PAN3: variants seen among roughly 807,000 people sequenced by gnomAD.
The protein encoded by PAN3 is PAN2-PAN3 deadenylation complex subunit PAN3.
In PAN3, 19 loss-of-function variants were observed where a neutral mutation model predicts 96.2. The observed-to-expected ratio is 0.20, with a 90% CI of 0.14 to 0.29. The LOEUF (loss-of-function observed/expected upper bound fraction) is 0.29. Ranked by LOEUF, PAN3 falls within the 10% of genes least tolerant of loss-of-function variation. The pLI is 1.00. For missense variants in PAN3, 882 were observed against 1,108.1 expected (o/e 0.80, Z 2.90); for synonymous variants, 433 against 406.6 (o/e 1.06, Z -0.78).
At chr13:28,228,597 G>A (rs1252964035) in intron 6 of PAN3, among the ~76,000 whole-genome samples, 4 of 152,116 alleles carry the variant, frequency 2.6e-5, no homozygotes, top group Non-Finnish European at 5.9e-5. Context: ...TTTTAGCATG[G>A]TATCCCTATA....
At chr13:28,278,682 A>T (rs1427674247) in intron 15 of PAN3, among the ~76,000 whole-genome samples, 1 of 152,114 alleles carries the variant, frequency 6.6e-6, no homozygotes, top group African/African-American at 2.4e-5. Context: ...ATGTGAATTA[A>T]TTTTTTTAAT....
chr13:28,213,857 G>A (rs1417663566), intron 5 of PAN3, among the ~76,000 whole-genome samples: 1 of 152,158 alleles, frequency 6.6e-6, no homozygotes, highest in Non-Finnish European at 1.5e-5. Context: ...TTTGGGAAAT[G>A]CTAATTAAAA....
At chr13:28,165,279 T>G (rs1355668829) in intron 1 of PAN3, among the ~76,000 whole-genome samples, 1 of 149,234 alleles carries the variant, frequency 6.7e-6, no homozygotes, top group African/African-American at 2.5e-5. Flanking sequence ...TATACTTATA[T>G]ATCCTTTTTT....
intron 15 of PAN3, among the ~76,000 whole-genome samples, chr13:28,277,705 T>C (rs949789954): frequency 2.0e-5 from 3 of 152,224 alleles, no homozygotes; most frequent in African/African-American, 4.8e-5. Flanking sequence ...TTTCAAGAGC[T>C]CAGCAGCCAC....
intron 5 of PAN3, among the ~76,000 whole-genome samples, chr13:28,205,065 G>C (rs1879186364): frequency 6.6e-6 from 1 of 151,882 alleles, no homozygotes; most frequent in Non-Finnish European, 1.5e-5. Flanking sequence ...ATTCTCATGT[G>C]AGTTCTAGTT....
At chr13:28,192,048 CTT>C (rs58195419) in intron 4 of PAN3, among the ~76,000 whole-genome samples, 2,459 of 123,126 alleles carry the variant, frequency 0.02, 62 homozygotes, top group African/African-American at 0.07. Context: ...TAAAACAATA[CTT>C]TTTTTTTTTT....
At chr13:28,239,690 A>G (rs1883463667) in intron 6 of PAN3, 6 of 1,281,990 alleles carry the variant, frequency 4.7e-6, no homozygotes, top group Middle Eastern at 2.1e-4. Flanking sequence ...GGACAGCTCT[A>G]TGAGGGGTCT....
chr13:28,224,292 C>T (rs1319132299), intron 6 of PAN3, among the ~76,000 whole-genome samples: 1 of 152,188 alleles, frequency 6.6e-6, no homozygotes, highest in Non-Finnish European at 1.5e-5. Flanking sequence ...TTAATTACCT[C>T]AGTGTTAACA....
chr13:28,155,068 G>A (rs1267615290), intron 1 of PAN3, among the ~76,000 whole-genome samples: 3 of 148,888 alleles, frequency 2.0e-5, no homozygotes, highest in East Asian at 4.1e-4. Context: ...CACCCGCCTT[G>A]GCCTCCCAAA....
chr13:28,223,350 C>CATAG lies in PAN3; in HGVS notation c.1000+2972_1000+2973insATAG, dbSNP rs143436555. ...ATACAGTTTTGTTATGCATATTGAA[C>CATAG]CTATGAACAATAGCTACATTTCTAA... is the stretch of plus-strand genomic sequence containing the variant. On this transcript the variant is annotated intron_variant, in intron 6 of 18. Transcript: ENST00000380958. Among the ~76,000 whole-genome samples the CATAG allele has an allele frequency of 2.7e-3, 411 of 152,126 alleles. 4 individuals carry two copies. The East Asian group carries it at 0.028, about 10-fold the overall frequency.
intron 6 of PAN3, among the ~76,000 whole-genome samples, chr13:28,223,145 TAAG>T (rs1881581061): frequency 6.6e-6 from 1 of 152,192 alleles, no homozygotes; most frequent in African/African-American, 2.4e-5. Context: ...TTTGATCACT[TAAG>T]AAAAAATAAG....
chr13:28,161,689 G>C (rs1354463256), intron 1 of PAN3, among the ~76,000 whole-genome samples: 1 of 152,322 alleles, frequency 6.6e-6, no homozygotes, highest in East Asian at 1.9e-4. Context: ...GTAGAGAATT[G>C]AGAATTTGAA....
chr13:28,236,871 G>A (rs1883163030), intron 6 of PAN3, among the ~76,000 whole-genome samples: 1 of 152,050 alleles, frequency 6.6e-6, no homozygotes, highest in African/African-American at 2.4e-5. Context: ...TTCCCAAAGC[G>A]TTTTGTTTTG....
chr13:28,245,002 C>G (rs1884040602), intron 6 of PAN3, among the ~76,000 whole-genome samples: 1 of 152,060 alleles, frequency 6.6e-6, no homozygotes, highest in Admixed American at 6.6e-5. Context: ...GCATGCGTCA[C>G]CACGCCCGGC....
intron 4 of PAN3, among the ~76,000 whole-genome samples, chr13:28,188,974 T>C (rs972249441): frequency 2.6e-5 from 4 of 152,352 alleles, no homozygotes; most frequent in South Asian, 2.1e-4. Context: ...TCTTGATCAT[T>C]TTATTTTTAA....
intron 6 of PAN3, among the ~76,000 whole-genome samples, chr13:28,242,994 A>G (rs1318798571): frequency 6.6e-6 from 1 of 152,190 alleles, no homozygotes; most frequent in Non-Finnish European, 1.5e-5. Context: ...TGATGTTTAG[A>G]TATATGGTAA....
chr13:28,140,337 T>G (rs1349250908), intron 1 of PAN3, among the ~76,000 whole-genome samples: 1 of 152,174 alleles, frequency 6.6e-6, no homozygotes, highest in East Asian at 1.9e-4. Context: ...CCTGTTTTGT[T>G]TCTTAGTATA....
intron 12 of PAN3, among the ~76,000 whole-genome samples, chr13:28,270,159 A>G (rs180876379): frequency 6.6e-6 from 1 of 152,352 alleles, no homozygotes; most frequent in East Asian, 1.9e-4. Context: ...CATATTAACA[A>G]TGACCTAGAA....
In PAN3 at chr13:28,187,875, G is replaced by C. The variant is rs375534000; in HGVS notation, c.691-9310G>C. Among the ~76,000 whole-genome samples, 8 of 152,102 alleles carry C rather than the reference G, an allele frequency of 5.3e-5. No homozygotes were observed. The South Asian group carries it at 1.5e-3, about 28-fold the overall frequency. ...TGCCCAGCTAATTTTTTAAATTCTT[G>C]TGGAGACTGGGTCTCACTCTGTTGC... On this transcript the variant is annotated intron_variant, in intron 4 of 18. Transcript: ENST00000380958.
Sources: gnomAD v4.1 joint callset for allele counts (sites outside exome capture counted in the v4.1 genomes callset) on GRCh38, gnomAD v4.1.1 for gene constraint, MANE v1.5 for transcripts, NCBI Gene and HGNC (gene_info 2026-07-23, HGNC 2026-07-21) for gene names.